CTCF: variants seen among roughly 807,000 people sequenced by gnomAD.
CTCF encodes the protein CCCTC-binding factor, also known as transcriptional repressor CTCF.
Under a neutral mutation model 72.3 loss-of-function variants are expected in CTCF, and 7 were observed. The ratio of observed to expected loss-of-function variants is 0.10; its 90% confidence interval spans 0.06 to 0.18. The LOEUF is 0.18. Among genes scored for constraint, CTCF ranks in the 10% least tolerant of loss-of-function variants. CTCF has a pLI of 1.00. For missense variants in CTCF, 516 were observed against 949.1 expected, an observed-to-expected ratio of 0.54 and a Z score of 6.00; for synonymous variants, 374 against 315.8, an observed-to-expected ratio of 1.18 and a Z score of -1.95.
At chr16:67,566,627 A>G (rs1469267448) in intron 1 of CTCF, among the ~76,000 whole-genome samples, 1 of 147,486 alleles carries the variant, frequency 6.8e-6, no homozygotes, top group East Asian at 2.1e-4. Flanking sequence ...ACCAGGCTGG[A>G]GTGCAGGGGC....
intron 2 of CTCF, among the ~76,000 whole-genome samples, chr16:67,577,183 C>T (rs572450337): frequency 4.0e-5 from 6 of 151,808 alleles, no homozygotes; most frequent in African/African-American, 1.4e-4. Flanking sequence ...CTTCGGGAGG[C>T]CGAGGTGGGC....
chr16:67,584,582 T>C (rs1388405034), intron 2 of CTCF, among the ~76,000 whole-genome samples: 1 of 151,706 alleles, frequency 6.6e-6, no homozygotes, highest in Non-Finnish European at 1.5e-5. Context: ...AGCCTTGGCC[T>C]CCCAAAGTGC....
rs950046090 is a variant in CTCF at position 67,562,547 on chromosome 16, G to A, written c.-304G>A. ...CGCCGACGCAGGCGCACTGCACCGC[G>A]CCGCCGCCATTTTGTGTCTGAGCCT... On this transcript the variant is annotated 5_prime_UTR_variant, in exon 1 of 12. Transcript: ENST00000264010. The A allele has an allele frequency of 2.6e-5, 4 of 151,620 alleles. No individual in the cohort carries two copies. In the East Asian group the frequency reaches 7.9e-4, roughly 30 times the overall value. The allele number at this position is 151,620 out of a possible 1,614,324, so 9.4% of individuals were successfully genotyped here. A position where few individuals can be genotyped will look rare whatever the true frequency, so the allele number is the denominator to read the frequency against.
intron 2 of CTCF, among the ~76,000 whole-genome samples, chr16:67,580,243 T>C (rs1597685660): frequency 1.3e-5 from 2 of 152,210 alleles, no homozygotes; most frequent in African/African-American, 4.8e-5. Flanking sequence ...AGACTCTCGC[T>C]CTGTTGCCCA....
intron 8 of CTCF, among the ~76,000 whole-genome samples, chr16:67,628,104 A>C (rs922853715): frequency 2.6e-5 from 4 of 152,072 alleles, no homozygotes; most frequent in Non-Finnish European, 5.9e-5. Flanking sequence ...CAAAAAAAAA[A>C]CAAAAAAAAT....
At chr16:67,568,437 G>C (rs1226420574) in intron 1 of CTCF, 2 of 152,144 alleles carry the variant, frequency 1.3e-5, no homozygotes, top group Non-Finnish European at 2.9e-5. Flanking sequence ...CACCCAGGCT[G>C]GAGTGCAGTG....
chr16:67,567,885 C>T (rs960589354), intron 1 of CTCF: 1 of 139,376 alleles, frequency 7.2e-6, no homozygotes, highest in African/African-American at 2.8e-5. Context: ...AGCCACCATA[C>T]TCGGCTTTTT....
intron 4 of CTCF, 106 bp from the exon 5 acceptor site, chr16:67,616,639 G>A (rs961328830): frequency 1.2e-5 from 16 of 1,292,430 alleles, no homozygotes; most frequent in Non-Finnish European, 1.7e-5. Flanking sequence ...GCAGTTGATG[G>A]GATGAATAGG....
chr16:67,584,292 A>C (rs2051630670), intron 2 of CTCF, among the ~76,000 whole-genome samples: 1 of 149,294 alleles, frequency 6.7e-6, no homozygotes, highest in Non-Finnish European at 1.5e-5. Context: ...ATTGCGCTCC[A>C]GCCTGGATGA....
chr16:67,583,383 T>C (rs527515013), intron 2 of CTCF, among the ~76,000 whole-genome samples: 25 of 152,142 alleles, frequency 1.6e-4, no homozygotes, highest in South Asian at 6.2e-4. Flanking sequence ...CTGAGGGTTT[T>C]TGAGGAAAAG....
intron 6 of CTCF, 196 bp downstream of exon 6, chr16:67,621,013 G>C (rs543225056): frequency 2.9e-5 from 13 of 444,512 alleles, no homozygotes; most frequent in African/African-American, 2.4e-4. Flanking sequence ...AGTACCTTTT[G>C]TTTTGTTCAA....
chr16:67,619,758 A>AT (rs1236740141), intron 5 of CTCF, among the ~76,000 whole-genome samples: 1 of 151,950 alleles, frequency 6.6e-6, no homozygotes, highest in Non-Finnish European at 1.5e-5. Flanking sequence ...TAATTTTTGT[A>AT]TTTTTTGTAG....
chr16:67,582,204 C>T (rs1160725317), intron 2 of CTCF, among the ~76,000 whole-genome samples: 1 of 147,826 alleles, frequency 6.8e-6, no homozygotes, highest in Non-Finnish European at 1.5e-5. Context: ...GAGCAAGACT[C>T]CGTCTCAAAA....
intron 5 of CTCF, among the ~76,000 whole-genome samples, chr16:67,619,878 C>T (rs760169155): frequency 2.6e-5 from 4 of 152,124 alleles, no homozygotes; most frequent in Non-Finnish European, 5.9e-5. Flanking sequence ...GCCACCGTGA[C>T]CTGCCCTCAA....
chr16:67,633,659 C>T (rs1051721592), intron 10 of CTCF, among the ~76,000 whole-genome samples: 8 of 152,056 alleles, frequency 5.3e-5, no homozygotes, highest in African/African-American at 1.7e-4. Context: ...AATCCTAACA[C>T]TTTGGGAGGT....
intron 2 of CTCF, among the ~76,000 whole-genome samples, chr16:67,598,199 G>A (rs1346653060): frequency 6.6e-6 from 1 of 152,022 alleles, no homozygotes; most frequent in African/African-American, 2.4e-5. Context: ...CCTGGTCTCA[G>A]ACTCCTGTGC....
rs751071798 is a variant in CTCF at position 67,611,068 on chromosome 16, A to G, written c.236A>G (p.Glu79Gly). ...TLLQMKTEVM[E>G]GTVAPEAEAA... ...CTTCAGATGAAGACTGAAGTAATGG[A>G]GGGCACAGTGGCTCCAGAAGCAGAG... The change falls in exon 3 of 12, where the codon GAG (glutamate) becomes GGG (glycine). Residue 79 changes from glutamate (E) to glycine (G), a missense_variant. Coordinates refer to ENST00000264010, the MANE Select transcript of CTCF (RefSeq NM_006565.4). 5 of 1,614,034 alleles carry G rather than the reference A, an allele frequency of 3.1e-6. No individual in the cohort carries two copies. Among genetic ancestry groups the G allele is most frequent in the Non-Finnish European group, 3.4e-6 (4 of 1,180,040 alleles).
chr16:67,618,133 G>A (rs1689600787), intron 5 of CTCF, among the ~76,000 whole-genome samples: 1 of 152,202 alleles, frequency 6.6e-6, no homozygotes, highest in Non-Finnish European at 1.5e-5. Flanking sequence ...GGCTGGGCAT[G>A]GTGGCTCACG....
rs144318521 is a variant in CTCF at position 67,628,127 on chromosome 16, G to A, written c.1519-243G>A. The stretch of plus-strand genomic sequence containing the variant: ...AAACAAAAAAAATTAGCCAGGCATG[G>A]TGGCTCATACCTATGGTCCCATTTT... On this transcript the variant is annotated intron_variant, in intron 8 of 11. Coordinates refer to ENST00000264010, the MANE Select transcript of CTCF (RefSeq NM_006565.4). Among the ~76,000 whole-genome samples the A allele has an allele frequency of 4.3e-4, 66 of 152,246 alleles. No individual in the cohort carries two copies. The East Asian group carries it at 0.013, about 29-fold the overall frequency.
Sources: gnomAD v4.1 joint callset for allele counts (sites outside exome capture counted in the v4.1 genomes callset) on GRCh38, gnomAD v4.1.1 for gene constraint, MANE v1.5 for transcripts, NCBI Gene and HGNC (gene_info 2026-07-23, HGNC 2026-07-21) for gene names.